The following ADGRL3 variants were observed in gnomAD, a reference collection of about 807,000 sequenced individuals.
The protein encoded by ADGRL3 is calcium-independent alpha-latrotoxin receptor 3.
A neutral mutation model predicts 153.5 loss-of-function variants in ADGRL3; 62 were observed. The ratio of observed to expected loss-of-function variants is 0.40; its 90% CI spans 0.33 to 0.50. The LOEUF is 0.50. Ranked by LOEUF, ADGRL3 falls within the 20% of genes least tolerant of loss-of-function variation. ADGRL3 has a pLI of 0.47. For missense variants in ADGRL3, 1,641 were observed against 1,859.4 expected (o/e 0.88, Z 2.16); for synonymous variants, 710 against 672.5 (o/e 1.06, Z -0.86).
At chr4:61,758,586 A>T (rs964544974) in intron 8 of ADGRL3, among the ~76,000 whole-genome samples, 29 of 151,996 alleles carry the variant, frequency 1.9e-4, no homozygotes, top group Admixed American at 2.6e-4. Flanking sequence ...TGCATAAGAG[A>T]TGGGTTTCCT....
chr4:61,567,942 T>G (rs907887108), intron 4 of ADGRL3, among the ~76,000 whole-genome samples: 3 of 152,174 alleles, frequency 2.0e-5, no homozygotes, highest in Non-Finnish European at 4.4e-5. Context: ...TCTTCCTTAT[T>G]CCCTCCTGGA....
chr4:61,932,396 G>T (rs1052599764), intron 13 of ADGRL3, among the ~76,000 whole-genome samples: 3 of 152,064 alleles, frequency 2.0e-5, no homozygotes, highest in African/African-American at 7.2e-5. Flanking sequence ...GAAAGGTGCT[G>T]ACTTTTGTCA....
At chr4:61,526,150 G>C (rs561169643) in intron 4 of ADGRL3, among the ~76,000 whole-genome samples, 1 of 152,228 alleles carries the variant, frequency 6.6e-6, no homozygotes, top group South Asian at 2.1e-4. Context: ...TCGCCCCTTG[G>C]CCAGCCTCTG....
chr4:61,825,324 G>A (rs940126775), intron 9 of ADGRL3, among the ~76,000 whole-genome samples: 1 of 151,998 alleles, frequency 6.6e-6, no homozygotes, highest in Non-Finnish European at 1.5e-5. Flanking sequence ...ATCAAATATT[G>A]GTATGATATT....
chr4:61,309,500 A>G (rs1188964259), intron 1 of ADGRL3, among the ~76,000 whole-genome samples: 1 of 152,208 alleles, frequency 6.6e-6, no homozygotes, highest in Non-Finnish European at 1.5e-5. Context: ...ATAATCATCT[A>G]TCATACTAAA....
At chr4:61,734,617 G>A (rs2096485380) in intron 8 of ADGRL3, among the ~76,000 whole-genome samples, 1 of 152,084 alleles carries the variant, frequency 6.6e-6, no homozygotes, top group Non-Finnish European at 1.5e-5. Context: ...CTCCCACCAG[G>A]TCCTGCCCTC....
At chr4:61,901,883 C>G (rs1335323265) in intron 11 of ADGRL3, among the ~76,000 whole-genome samples, 1 of 152,104 alleles carries the variant, frequency 6.6e-6, no homozygotes, top group African/African-American at 2.4e-5. Context: ...CCTCACAAAA[C>G]TCATAACATT....
chr4:61,664,902 A>G (rs1315476326), intron 5 of ADGRL3, among the ~76,000 whole-genome samples: 2 of 152,100 alleles, frequency 1.3e-5, no homozygotes, highest in Admixed American at 1.3e-4. Flanking sequence ...CTTGCTAGAA[A>G]AGTCCTATTT....
At chr4:61,664,160 C>A (rs2094703504) in intron 5 of ADGRL3, among the ~76,000 whole-genome samples, 1 of 151,772 alleles carries the variant, frequency 6.6e-6, no homozygotes, top group African/African-American at 2.4e-5. Context: ...GTTTTGGGGG[C>A]AAAGAGATAT....
chr4:61,797,442 T>G (rs948414787), intron 8 of ADGRL3, among the ~76,000 whole-genome samples: 1 of 152,178 alleles, frequency 6.6e-6, no homozygotes, highest in African/African-American at 2.4e-5. Context: ...AAATAAAGCA[T>G]AATTTAAACT....
At chr4:61,747,719 G>C (rs1236095966) in intron 8 of ADGRL3, among the ~76,000 whole-genome samples, 2 of 147,796 alleles carry the variant, frequency 1.4e-5, no homozygotes, top group African/African-American at 5.1e-5. Context: ...AAAATAATAA[G>C]AGCTATCTAT....
intron 6 of ADGRL3, among the ~76,000 whole-genome samples, chr4:61,692,678 A>G (rs893767737): frequency 6.6e-6 from 1 of 152,072 alleles, no homozygotes; most frequent in African/African-American, 2.4e-5. Context: ...TCCTGGCTTC[A>G]AGTGATCTGC....
At chr4:62,047,151 G>A (rs1372005353) in intron 25 of ADGRL3, among the ~76,000 whole-genome samples, 3 of 151,588 alleles carry the variant, frequency 2.0e-5, no homozygotes, top group African/African-American at 7.3e-5. Flanking sequence ...TTTATAGATA[G>A]TGTTTTTTTT....
chr4:61,760,644 G>A (rs2096901048), intron 8 of ADGRL3, among the ~76,000 whole-genome samples: 1 of 152,102 alleles, frequency 6.6e-6, no homozygotes, highest in African/African-American at 2.4e-5. Flanking sequence ...GCTCACGCTG[G>A]GTGCGCTGCA....
chr4:61,849,494 TG>T (rs1205219985), intron 9 of ADGRL3, among the ~76,000 whole-genome samples: 1 of 151,932 alleles, frequency 6.6e-6, no homozygotes, highest in Non-Finnish European at 1.5e-5. Context: ...ATTTTTTTTT[TG>T]TGGAATATGA....
chr4:61,391,329 A>G (rs536694926), intron 2 of ADGRL3, among the ~76,000 whole-genome samples: 48 of 152,284 alleles, frequency 3.2e-4, no homozygotes, highest in Middle Eastern at 6.8e-3. Context: ...TCTTTTAAAA[A>G]AACAGATCTC....
At chr4:61,770,249 T>C (rs141735191) in intron 8 of ADGRL3, among the ~76,000 whole-genome samples, 1,730 of 152,334 alleles carry the variant, frequency 0.011, 25 homozygotes, top group African/African-American at 0.037. Context: ...TTTTGTTTAT[T>C]GTTGATAAGT....
chr4:61,840,624 G>A (rs941647987), intron 9 of ADGRL3, among the ~76,000 whole-genome samples: 38 of 152,160 alleles, frequency 2.5e-4, no homozygotes, highest in African/African-American at 8.2e-4. Context: ...AGGGCCTTTG[G>A]GAGGTTATAA....
chr4:61,543,945 A>G (rs1444274266), intron 4 of ADGRL3, among the ~76,000 whole-genome samples: 2 of 152,170 alleles, frequency 1.3e-5, no homozygotes, highest in African/African-American at 4.8e-5. Flanking sequence ...TCTCCTCAAG[A>G]CTTTGTCTGC....
Sources: allele counts gnomAD v4.1 joint callset (sites outside exome capture counted in the v4.1 genomes callset), GRCh38; gene constraint gnomAD v4.1.1; transcripts MANE v1.5; gene names NCBI Gene and HGNC (gene_info 2026-07-23, HGNC 2026-07-21).